Variants in SATB2 observed in about 807,000 individuals in gnomAD.
The protein encoded by SATB2 is SATB homeobox 2.
SATB2 carries 1 observed loss-of-function variant against 73.4 expected under a neutral mutation model. The ratio of observed to expected loss-of-function variants is 0.01; its 90% CI spans 0.00 to 0.06. The LOEUF (loss-of-function observed/expected upper bound fraction) is 0.06. Among genes scored for constraint, SATB2 ranks in the 10% least tolerant of loss-of-function variants. The pLI is 1.00. For synonymous variants in SATB2, 397 were observed against 367.0 expected (o/e 1.08, Z -0.93); for missense variants, 459 against 945.8 (o/e 0.49, Z 6.75).
chr2:199,352,245 A>G (rs968502528), intron 6 of SATB2, among the ~76,000 whole-genome samples: 2 of 152,150 alleles, frequency 1.3e-5, no homozygotes, highest in Non-Finnish European at 2.9e-5. Context: ...CCAAACATTA[A>G]TTTTCCAAAA....
intron 3 of SATB2, among the ~76,000 whole-genome samples, chr2:199,422,915 G>C (rs1691214983): frequency 6.6e-6 from 1 of 152,078 alleles, no homozygotes; most frequent in South Asian, 2.1e-4. Flanking sequence ...CTTAATATAA[G>C]CTAATTGTAA....
chr2:199,365,441 C>G (rs1689255548), intron 6 of SATB2, among the ~76,000 whole-genome samples: 1 of 152,092 alleles, frequency 6.6e-6, no homozygotes, highest in African/African-American at 2.4e-5. Flanking sequence ...GTCTCCCTAT[C>G]TATTCTGAAG....
intron 2 of SATB2, among the ~76,000 whole-genome samples, chr2:199,443,995 G>C (rs896762423): frequency 6.6e-6 from 1 of 152,136 alleles, no homozygotes; most frequent in Non-Finnish European, 1.5e-5. Context: ...ACCAGGGTCT[G>C]ATGGAATACT....
At chr2:199,373,228 T>C (rs2105856225) in intron 5 of SATB2, among the ~76,000 whole-genome samples, 1 of 152,242 alleles carries the variant, frequency 6.6e-6, no homozygotes, top group Non-Finnish European at 1.5e-5. Flanking sequence ...AGACAGGCAA[T>C]GAGTGAGTGA....
chr2:199,302,346 T>G (rs1328511334), intron 10 of SATB2, among the ~76,000 whole-genome samples: 2 of 152,188 alleles, frequency 1.3e-5, no homozygotes, highest in Non-Finnish European at 2.9e-5. Flanking sequence ...TCTCTTTATA[T>G]TCCTGAATGA....
chr2:199,312,206 T>C (rs976353904), intron 9 of SATB2, among the ~76,000 whole-genome samples: 17 of 152,230 alleles, frequency 1.1e-4, no homozygotes, highest in African/African-American at 4.1e-4. Context: ...TGTTGTTTTC[T>C]CTGTGTTATG....
At chr2:199,360,652 C>G (rs775640952) in intron 6 of SATB2, among the ~76,000 whole-genome samples, 1 of 152,114 alleles carries the variant, frequency 6.6e-6, no homozygotes, top group African/African-American at 2.4e-5. Flanking sequence ...AAATCCATTC[C>G]CTCCTAGTTG....
rs1553539933 is a variant in SATB2, at chr2:199,281,482, T to TATACACAC, written c.1741-8811_1741-8810insGTGTGTAT. ...CACAAACAAGATGATATGAGATATA[T>TATACACAC]ACACACACACACAATTTTTTTTTAC... On this transcript the variant is annotated intron_variant, in intron 10 of 10. Transcript: ENST00000417098. 3.1e-4 allele frequency among the ~76,000 whole-genome samples: 47 copies of TATACACAC among 150,658 alleles called. 2 individuals carry two copies. In the South Asian group the frequency reaches 4.8e-3, roughly 15 times the overall value.
chr2:199,384,045 A>G (rs749029577), intron 3 of SATB2, among the ~76,000 whole-genome samples: 1 of 152,156 alleles, frequency 6.6e-6, no homozygotes, highest in Non-Finnish European at 1.5e-5. Flanking sequence ...TTATACCTCA[A>G]TTTTTTAGAG....
chr2:199,406,520 C>A (rs1456318980), intron 3 of SATB2, among the ~76,000 whole-genome samples: 1 of 152,164 alleles, frequency 6.6e-6, no homozygotes, highest in African/African-American at 2.4e-5. Flanking sequence ...CAGGTTTCAA[C>A]AGAGCCTTCT....
intron 3 of SATB2, among the ~76,000 whole-genome samples, chr2:199,392,536 G>T (rs1046484611): frequency 6.6e-6 from 1 of 151,960 alleles, no homozygotes; most frequent in African/African-American, 2.4e-5. Context: ...AACAACTCTG[G>T]CTACAGCCCC....
Position 199,381,727 on chromosome 2 carries a change from T to A in SATB2, c.440A>T (p.Tyr147Phe). The A allele has an allele frequency of 6.2e-7, 1 of 1,614,140 alleles. No individual in the cohort carries two copies. The highest frequency in any genetic ancestry group is 8.5e-7 in the Non-Finnish European group (1 of 1,179,980). ...TTGGATTTTCAACGTCACAACATGA[T>A]AGACATCTTGTAGCATGTCGGCCAC... ...ATVADMLQDV[Y>F]HVVTLKIQLQ... Residue 147 changes from tyrosine (Y) to phenylalanine (F), a missense_variant, in exon 4 of 11, where the codon TAT becomes TTT. Around this residue, in one of 13 missense-constraint regions of SATB2, gnomAD observed 56 missense variants for 183.7 expected, o/e 0.30. Transcript: ENST00000417098.
upstream of SATB2, among the ~76,000 whole-genome samples, chr2:199,462,779 A>G (rs942429800): frequency 2.0e-5 from 3 of 152,060 alleles, no homozygotes; most frequent in African/African-American, 7.2e-5. The surrounding 1 kb of genome is among the most constrained non-coding windows in gnomAD (Gnocchi z 5.9). Flanking sequence ...GATACGCCTC[A>G]GAGGGACGAC....
intron 3 of SATB2, among the ~76,000 whole-genome samples, chr2:199,425,464 T>C (rs150822687): frequency 1.5e-3 from 229 of 152,346 alleles, no homozygotes; most frequent in African/African-American, 5.3e-3. Flanking sequence ...TTTAAATGAA[T>C]TATTTCCACT....
At chr2:199,458,198 TG>T (rs1692350876), upstream of SATB2, 3 of 37,100 alleles carry the variant, frequency 8.1e-5, no homozygotes, top group East Asian at 5.1e-3. Context: ...AAGAGGGGAG[TG>T]GGGGGCGGGG....
At chr2:199,438,811 T>A (rs774760581) in intron 2 of SATB2, among the ~76,000 whole-genome samples, 1 of 152,258 alleles carries the variant, frequency 6.6e-6, no homozygotes, top group Non-Finnish European at 1.5e-5. Context: ...ACATTTACTC[T>A]GTGACAGGGT....
intron 3 of SATB2, among the ~76,000 whole-genome samples, chr2:199,393,336 C>T (rs1396627993): frequency 6.6e-6 from 1 of 152,160 alleles, no homozygotes; most frequent in East Asian, 1.9e-4. Context: ...TGCCAGCTTT[C>T]TTTGCAGGTT....
At chr2:199,441,886 C>A (rs1691826514) in intron 2 of SATB2, among the ~76,000 whole-genome samples, 1 of 152,164 alleles carries the variant, frequency 6.6e-6, no homozygotes. Context: ...ATTTCATGGG[C>A]ACATAGGAGG....
At chr2:199,349,214 T>G (rs749384737) in intron 6 of SATB2, 41 bp from the exon 7 acceptor site, 1 of 1,431,960 alleles carries the variant, frequency 7.0e-7, no homozygotes, top group South Asian at 1.2e-5. Flanking sequence ...TTATTTTCAT[T>G]GGTACAATTT....
Sources: allele counts gnomAD v4.1 joint callset (sites outside exome capture counted in the v4.1 genomes callset), GRCh38; gene constraint gnomAD v4.1.1; regional missense constraint gnomAD v4.1.1; non-coding constraint Gnocchi (gnomAD v3.1); transcripts MANE v1.5; gene names NCBI Gene and HGNC (gene_info 2026-07-23, HGNC 2026-07-21).